Variants in ELAVL4 observed in about 807,000 individuals in gnomAD.
The protein encoded by ELAVL4 is ELAV-like protein 4.
Under a neutral mutation model 35.6 loss-of-function variants are expected in ELAVL4, and 1 was observed. That is an observed-to-expected ratio of 0.03 (90% CI 0.01 to 0.13). The LOEUF (loss-of-function observed/expected upper bound fraction) is 0.13, where lower values mean the gene tolerates loss of function less well. Among genes scored for constraint, ELAVL4 ranks in the 10% least tolerant of loss-of-function variants. The pLI, the probability that ELAVL4 is intolerant of heterozygous loss-of-function variation, is 1.00. For synonymous variants in ELAVL4, 156 were observed against 171.0 expected (o/e 0.91, Z 0.69); for missense variants, 267 against 464.9 (o/e 0.57, Z 3.91).
intron 1 of ELAVL4, among the ~76,000 whole-genome samples, chr1:50,081,228 A>G (rs1664992001): frequency 6.6e-6 from 1 of 152,184 alleles, no homozygotes; most frequent in East Asian, 1.9e-4. Context: ...ATATAATTAC[A>G]TATTTTTAAA....
chr1:50,182,002 G>T (rs749031243), intron 3 of ELAVL4, among the ~76,000 whole-genome samples: 5 of 152,182 alleles, frequency 3.3e-5, no homozygotes, highest in Non-Finnish European at 5.9e-5. Context: ...TTTAAAAGTC[G>T]TCTCCAATAG....
chr1:50,183,097 A>G (rs1221023616), intron 3 of ELAVL4, among the ~76,000 whole-genome samples: 3 of 152,210 alleles, frequency 2.0e-5, no homozygotes, highest in Non-Finnish European at 2.9e-5. Context: ...ACCTCAAGTG[A>G]TCTGCCCACC....
At position 50,109,016 on chromosome 1, in the gene ELAVL4, C is replaced by CGGCG; in HGVS notation, c.-174_-173insGGCG. 2.2e-6 allele frequency: 2 copies of CGGCG among 905,742 alleles called. No individual in the cohort carries two copies. The highest frequency in any genetic ancestry group is 2.6e-6 in the Non-Finnish European group (2 of 761,368). 56.1% of individuals were successfully genotyped at this position (905,742 alleles called of 1,614,324 possible). A position where few individuals can be genotyped will look rare whatever the true frequency, so the allele number is the denominator to read the frequency against. On this transcript the variant is annotated 5_prime_UTR_variant, in exon 1 of 7. Coordinates refer to ENST00000371824, the MANE Select transcript of ELAVL4 (RefSeq NM_001144774.3). Reference sequence around the variant, plus strand: ...CTCCTTTTCTTTTTTTTCTTTCTCTCCCCCGCCCACCCCCCCAAAAATAAT... The same window carrying CGGCG: ...CTCCTTTTCTTTTTTTTCTTTCTCTCGGCGCCCCGCCCACCCCCCCAAAAATAAT...
At chr1:50,134,040 G>A (rs1188455275) in intron 1 of ELAVL4, among the ~76,000 whole-genome samples, 2 of 151,952 alleles carry the variant, frequency 1.3e-5, no homozygotes, top group Non-Finnish European at 2.9e-5. Context: ...CCTCACCCTG[G>A]TTATGTTAAG....
chr1:50,133,361 T>G (rs1406855569), intron 1 of ELAVL4, among the ~76,000 whole-genome samples: 1 of 152,012 alleles, frequency 6.6e-6, no homozygotes, highest in Non-Finnish European at 1.5e-5. Context: ...CACAAATAAT[T>G]CAAAGGCACA....
chr1:50,063,121 GAT>G (rs1280833410), intron 1 of ELAVL4, among the ~76,000 whole-genome samples: 16 of 151,996 alleles, frequency 1.1e-4, no homozygotes, highest in Non-Finnish European at 2.2e-4. Context: ...ATTTCCAGTG[GAT>G]ATATAGTCTT....
chr1:50,056,109 A>G (rs548618407), intron 1 of ELAVL4, among the ~76,000 whole-genome samples: 13 of 152,240 alleles, frequency 8.5e-5, no homozygotes, highest in African/African-American at 3.1e-4. Flanking sequence ...CTGATAGTAA[A>G]GGTCTTTTTA....
At chr1:50,192,515 G>GCGCA (rs1682804723) in intron 3 of ELAVL4, among the ~76,000 whole-genome samples, 1 of 80,350 alleles carries the variant, frequency 1.2e-5, no homozygotes, top group Non-Finnish European at 2.6e-5. Flanking sequence ...GCTTTTGTGT[G>GCGCA]CACGCACACA....
chr1:50,155,019 C>CT (rs1041324190), intron 2 of ELAVL4, among the ~76,000 whole-genome samples: 20 of 150,472 alleles, frequency 1.3e-4, no homozygotes, highest in East Asian at 1.9e-4. Context: ...TTTGAGTTTT[C>CT]TTTTTTTTTA....
In ELAVL4 at chr1:50,112,256, T is replaced by C. The variant is rs12072184; in HGVS notation, c.9+3058T>C. 2.0e-3 allele frequency among the ~76,000 whole-genome samples: 308 copies of C among 152,248 alleles called. 3 individuals are homozygous for C. Among genetic ancestry groups the C allele is most frequent in the African/African-American group, 7.0e-3 (291 of 41,580 alleles). ...GTGTCACCTTTAAAAAAATAGAATTTTTTTAAGTCTCCAATATAGTTTCTT... is the reference window on the plus strand; with the variant it reads ...GTGTCACCTTTAAAAAAATAGAATTCTTTTAAGTCTCCAATATAGTTTCTT... On this transcript the variant is annotated intron_variant, in intron 1 of 6. Transcript: ENST00000371824.
In ELAVL4 at chr1:50,086,445, C is replaced by G. The variant is rs1465965025; in HGVS notation, c.18+38263C>G. Among the ~76,000 whole-genome samples the G allele has an allele frequency of 2.7e-5, 4 of 149,266 alleles. No homozygotes were observed. In the East Asian group the frequency reaches 7.9e-4, roughly 29 times the overall value. ...AACTAGATAAGATTTAAAGGTATTT[C>G]TTTGTTTAGTTCCTTGGAACCATTC... On this transcript the variant is annotated intron_variant, in intron 1 of 6. Transcript: ENST00000448907.
chr1:50,159,882 C>T (rs1023630617), intron 2 of ELAVL4, among the ~76,000 whole-genome samples: 7 of 152,120 alleles, frequency 4.6e-5, no homozygotes, highest in Non-Finnish European at 1.0e-4. Context: ...TCTGCTGCCC[C>T]GGGGTGGGCA....
chr1:50,138,472 T>C (rs1672266236), intron 1 of ELAVL4, among the ~76,000 whole-genome samples: 1 of 152,050 alleles, frequency 6.6e-6, no homozygotes, highest in Non-Finnish European at 1.5e-5. Flanking sequence ...GTGCTTTTTT[T>C]TTTTTGAGGT....
At chr1:50,111,000 T>C (rs1167464788) in intron 1 of ELAVL4, among the ~76,000 whole-genome samples, 1 of 152,068 alleles carries the variant, frequency 6.6e-6, no homozygotes, top group African/African-American at 2.4e-5. Context: ...ACCTCGATTA[T>C]CTTTGCTGTT....
chr1:50,160,147 A>G (rs1676534884), intron 2 of ELAVL4, among the ~76,000 whole-genome samples: 1 of 152,128 alleles, frequency 6.6e-6, no homozygotes, highest in African/African-American at 2.4e-5. Context: ...CGTATTTTGC[A>G]ATCTCACTCG....
upstream of ELAVL4, among the ~76,000 whole-genome samples, chr1:50,099,108 G>A (rs1665842711): frequency 6.6e-6 from 1 of 152,192 alleles, no homozygotes; most frequent in Non-Finnish European, 1.5e-5. Context: ...TATATCCTAA[G>A]CAGTTGGTTC....
At chr1:50,193,729 C>G in intron 3 of ELAVL4, 36 bp from the exon 4 acceptor site, 1 of 1,600,656 alleles carries the variant, frequency 6.2e-7, no homozygotes, top group Non-Finnish European at 8.5e-7. Flanking sequence ...AGGGTGATTG[C>G]CTATAATGGA....
chr1:50,188,206 A>G (rs771318220), intron 3 of ELAVL4, among the ~76,000 whole-genome samples: 2 of 152,204 alleles, frequency 1.3e-5, no homozygotes, highest in Admixed American at 6.5e-5. Context: ...GGATCATGCC[A>G]TGAACTTTTG....
At chr1:50,147,316 A>C (rs573840748) in intron 2 of ELAVL4, among the ~76,000 whole-genome samples, 1 of 152,306 alleles carries the variant, frequency 6.6e-6, no homozygotes, top group East Asian at 1.9e-4. Flanking sequence ...TGTGGTTGTA[A>C]AGAGTGCTTA....
Sources: gnomAD v4.1 joint callset for allele counts (sites outside exome capture counted in the v4.1 genomes callset) on GRCh38, gnomAD v4.1.1 for gene constraint, MANE v1.5 for transcripts, NCBI Gene and HGNC (gene_info 2026-07-23, HGNC 2026-07-21) for gene names.